The following EML4 variants were observed in gnomAD, a reference collection of about 807,000 sequenced individuals.
The protein encoded by EML4 is EMAP like 4, also known as echinoderm microtubule-associated protein-like 4.
In EML4, 72 loss-of-function variants were observed where a neutral mutation model predicts 129.0. The observed-to-expected ratio is 0.56, with a 90% CI of 0.46 to 0.68. The LOEUF (loss-of-function observed/expected upper bound fraction) is 0.68, where lower values mean the gene tolerates loss of function less well. Ranked by LOEUF, EML4 falls within the 30% of genes least tolerant of loss-of-function variation. The pLI, the probability that EML4 is intolerant of heterozygous loss-of-function variation, is 0.00. For synonymous variants in EML4, 532 were observed against 405.0 expected (o/e 1.31, Z -3.77); for missense variants, 1,363 against 1,190.6 (o/e 1.14, Z -2.13).
At chr2:42,237,376 T>G (rs1326434545) in intron 1 of EML4, among the ~76,000 whole-genome samples, 1 of 152,228 alleles carries the variant, frequency 6.6e-6, no homozygotes, top group Non-Finnish European at 1.5e-5. Flanking sequence ...ATGGTTTTTT[T>G]GGTGTCTTTT....
In EML4 at chr2:42,323,955, A is replaced by G. The variant is rs549321637; in HGVS notation, c.2155-1512A>G. On this transcript the variant is annotated intron_variant, in intron 19 of 22. Transcript: ENST00000318522. ...TGAGACTCTGTCTCAATTAAAAAAA[A>G]AAGAAAAGAAAAAGAAAAAGTCTTA... is the stretch of plus-strand genomic sequence containing the variant. Among the ~76,000 whole-genome samples the G allele has an allele frequency of 5.3e-5, 8 of 150,868 alleles. No individual in the cohort carries two copies. In the South Asian group the frequency reaches 1.7e-3, roughly 32 times the overall value.
At chr2:42,211,815 A>G in intron 1 of EML4, among the ~76,000 whole-genome samples, 1 of 151,888 alleles carries the variant, frequency 6.6e-6, no homozygotes, top group East Asian at 1.9e-4. Context: ...TTTTCTTCCC[A>G]GACACAAAAT....
At chr2:42,173,815 C>T (rs1670416207) in intron 1 of EML4, among the ~76,000 whole-genome samples, 1 of 152,182 alleles carries the variant, frequency 6.6e-6, no homozygotes, top group South Asian at 2.1e-4. Context: ...CTGCACTCCA[C>T]TGGGCCACAG....
intron 1 of EML4, among the ~76,000 whole-genome samples, chr2:42,210,778 A>G (rs1672844365): frequency 6.6e-6 from 1 of 152,158 alleles, no homozygotes. Context: ...TTCCTTTGAC[A>G]TACTCCCACC....
intron 2 of EML4, among the ~76,000 whole-genome samples, chr2:42,250,114 T>C (rs996725998): frequency 3.3e-5 from 5 of 152,148 alleles, no homozygotes; most frequent in African/African-American, 7.2e-5. Flanking sequence ...AAACTGTTAG[T>C]ACACAATGAT....
rs1323271640 is a variant in EML4 at position 42,169,388 on chromosome 2, G to A, written c.-224G>A. On this transcript the variant is annotated 5_prime_UTR_variant, in exon 1 of 23. Coordinates refer to ENST00000318522, the MANE Select transcript of EML4 (RefSeq NM_019063.5). ...CGGCTGCTGCCTGGGAGGGAGGCCG[G>A]GCAGGCGGCTGAGCGGCGCGGCTCT... The A allele has an allele frequency of 1.5e-5, 5 of 331,236 alleles. No homozygotes were observed. Among genetic ancestry groups the A allele is most frequent in the Admixed American group, 1.0e-4 (2 of 19,628 alleles). 20.5% of individuals were successfully genotyped at this position (331,236 alleles called of 1,614,324 possible). A position where few individuals can be genotyped will look rare whatever the true frequency, so the allele number is the denominator to read the frequency against.
chr2:42,199,229 A>G (rs1295572594), intron 1 of EML4, among the ~76,000 whole-genome samples: 1 of 152,206 alleles, frequency 6.6e-6, no homozygotes, highest in Non-Finnish European at 1.5e-5. Flanking sequence ...TGTGGGTAAT[A>G]AAGCGAGTGG....
intron 1 of EML4, among the ~76,000 whole-genome samples, chr2:42,200,778 G>A (rs1175158401): frequency 2.0e-5 from 3 of 152,002 alleles, no homozygotes; most frequent in African/African-American, 7.2e-5. Flanking sequence ...TCATAGTCTT[G>A]GCATGCCTTC....
chr2:42,262,489 T>G (rs1665795675), intron 4 of EML4, among the ~76,000 whole-genome samples: 5 of 152,196 alleles, frequency 3.3e-5, no homozygotes, highest in Non-Finnish European at 7.3e-5. Flanking sequence ...TTCAGCTTCT[T>G]GAGGTCTCCT....
chr2:42,251,103 C>G (rs1675739049), intron 2 of EML4, among the ~76,000 whole-genome samples: 1 of 152,194 alleles, frequency 6.6e-6, no homozygotes, highest in Non-Finnish European at 1.5e-5. Flanking sequence ...CACTCTCTGG[C>G]TTCTCACCTC....
chr2:42,235,709 A>T (rs1199720899), intron 1 of EML4, among the ~76,000 whole-genome samples: 4 of 152,078 alleles, frequency 2.6e-5, no homozygotes, highest in Admixed American at 1.3e-4. Flanking sequence ...AACTTTTTGA[A>T]ATGAAGGACT....
Position 42,317,866 on chromosome 2 carries a change from G to T in EML4, c.2154+342G>T, listed in dbSNP as rs1669327812. 2.0e-5 allele frequency among the ~76,000 whole-genome samples: 3 copies of T among 152,248 alleles called. 1 individual carries two copies. In the South Asian group the frequency reaches 6.2e-4, roughly 32 times the overall value. On this transcript the variant is annotated intron_variant, in intron 19 of 22. Transcript: ENST00000318522. ...TCTCATGTTTAATCTTAACTCCTAT[G>T]ATTCTGCCCACCTCAACACCCTACA...
At chr2:42,187,320 T>G (rs1322176456) in intron 1 of EML4, among the ~76,000 whole-genome samples, 1 of 152,132 alleles carries the variant, frequency 6.6e-6, no homozygotes, top group Non-Finnish European at 1.5e-5. Flanking sequence ...AGTTCTGGGA[T>G]TACAGGGGTA....
At chr2:42,172,594 A>C (rs1670345241) in intron 1 of EML4, among the ~76,000 whole-genome samples, 1 of 152,138 alleles carries the variant, frequency 6.6e-6, no homozygotes, top group African/African-American at 2.4e-5. Context: ...TCCCTTAGGT[A>C]TTATTAATAT....
intron 16 of EML4, among the ~76,000 whole-genome samples, chr2:42,304,269 C>T (rs1668467553): frequency 6.6e-6 from 1 of 152,204 alleles, no homozygotes; most frequent in Non-Finnish European, 1.5e-5. Flanking sequence ...TAGCCACAAG[C>T]TGGTTGTCCC....
At chr2:42,233,854 C>T (rs1443977770) in intron 1 of EML4, among the ~76,000 whole-genome samples, 3 of 152,160 alleles carry the variant, frequency 2.0e-5, no homozygotes, top group African/African-American at 7.2e-5. Flanking sequence ...GGAAATATGA[C>T]TTGCTACTTT....
At chr2:42,284,765 T>G (rs1335004426) in intron 9 of EML4, 62 bp downstream of exon 9, 1 of 1,218,308 alleles carries the variant, frequency 8.2e-7, no homozygotes, top group Non-Finnish European at 1.2e-6. Context: ...TGGAATCTAT[T>G]GTAATTTTAA....
At chr2:42,200,274 G>A (rs1379014069) in intron 1 of EML4, among the ~76,000 whole-genome samples, 1 of 151,962 alleles carries the variant, frequency 6.6e-6, no homozygotes, top group Non-Finnish European at 1.5e-5. Context: ...GCAGTGAGCC[G>A]AGATTGGGCC....
At chr2:42,269,562 A>G (rs1666255933) in intron 6 of EML4, among the ~76,000 whole-genome samples, 1 of 152,208 alleles carries the variant, frequency 6.6e-6, no homozygotes, top group Admixed American at 6.5e-5. Context: ...TGAGGAAAGA[A>G]TAAGGAGAGC....
Sources: allele counts gnomAD v4.1 joint callset (sites outside exome capture counted in the v4.1 genomes callset), GRCh38; gene constraint gnomAD v4.1.1; transcripts MANE v1.5; gene names NCBI Gene and HGNC (gene_info 2026-07-23, HGNC 2026-07-21).